ZDHHC14: variants seen among roughly 807,000 people sequenced by gnomAD.
ZDHHC14 encodes zDHHC palmitoyltransferase 14, also known as palmitoyltransferase ZDHHC14.
Under a neutral mutation model 47.7 loss-of-function variants are expected in ZDHHC14, and 16 were observed. The observed-to-expected ratio is 0.34, with a 90% confidence interval of 0.23 to 0.51. ZDHHC14 has a LOEUF of 0.51. Among genes scored for constraint, ZDHHC14 ranks in the 20% least tolerant of loss-of-function variants. The pLI, the probability that ZDHHC14 is intolerant of heterozygous loss-of-function variation, is 0.97. For missense variants in ZDHHC14, 515 were observed against 662.5 expected (o/e 0.78, Z 2.44); for synonymous variants, 293 against 278.9 (o/e 1.05, Z -0.50).
chr6:157,547,630 T>A (rs1201673208), intron 2 of ZDHHC14, among the ~76,000 whole-genome samples: 4 of 141,738 alleles, frequency 2.8e-5, no homozygotes, highest in African/African-American at 8.3e-5. Flanking sequence ...AGGAAAAGAC[T>A]AAGTCAATTT....
chr6:157,509,008 G>A (rs138875490), intron 1 of ZDHHC14, among the ~76,000 whole-genome samples: 2,542 of 152,180 alleles, frequency 0.017, 23 homozygotes, highest in Middle Eastern at 0.031. Context: ...GTTTCTTCCC[G>A]GCTGTTGGCC....
In ZDHHC14 at chr6:157,672,819, G is replaced by A. The variant is rs1778861431; in HGVS notation, c.1164G>A (p.Glu388=). The A allele has an allele frequency of 1.2e-6, 2 of 1,612,284 alleles. No individual in the cohort carries two copies. The highest frequency in any genetic ancestry group is 1.7e-5 in the Admixed American group (1 of 59,940). Reference sequence around the variant, plus strand: ...GCGAGCCCAGCCTCACCAGCGACGAGCTGCACCTGCCCGGGAAGCCTGGCC... The same window carrying A: ...GCGAGCCCAGCCTCACCAGCGACGAACTGCACCTGCCCGGGAAGCCTGGCC... ...LQSEPSLTSD[E]LHLPGKPGLG... is the part of the protein sequence containing the mutation. The change falls in exon 9 of 9, where the codon GAG becomes GAA. Residue 388 remains glutamate (E), a synonymous_variant. Transcript: ENST00000359775.
chr6:157,549,399 G>A (rs1235418107), intron 2 of ZDHHC14, among the ~76,000 whole-genome samples: 6 of 152,180 alleles, frequency 3.9e-5, no homozygotes, highest in Non-Finnish European at 5.9e-5. Flanking sequence ...CTAGTGGGAC[G>A]CTCACTGATG....
chr6:157,577,384 A>G (rs981651537), intron 2 of ZDHHC14, among the ~76,000 whole-genome samples: 2 of 152,216 alleles, frequency 1.3e-5, no homozygotes, highest in Non-Finnish European at 2.9e-5. Flanking sequence ...ATACCCAAAA[A>G]TGGGATTGCT....
chr6:157,532,171 C>G (rs994329156), intron 1 of ZDHHC14, among the ~76,000 whole-genome samples: 4 of 152,234 alleles, frequency 2.6e-5, no homozygotes, highest in Non-Finnish European at 4.4e-5. Context: ...CCTGATGGCC[C>G]CAGGGCCTTG....
At chr6:157,444,475 TGA>T (rs1466401921) in intron 1 of ZDHHC14, among the ~76,000 whole-genome samples, 1 of 152,062 alleles carries the variant, frequency 6.6e-6, no homozygotes, top group Non-Finnish European at 1.5e-5. Flanking sequence ...GTCAGGAGTT[TGA>T]GACCAGCCTG....
intron 1 of ZDHHC14, among the ~76,000 whole-genome samples, chr6:157,509,461 C>T (rs746959356): frequency 2.6e-5 from 4 of 152,056 alleles, no homozygotes; most frequent in Non-Finnish European, 5.9e-5. Flanking sequence ...ACTTTATTGT[C>T]CCCATTTAAA....
intron 2 of ZDHHC14, among the ~76,000 whole-genome samples, chr6:157,562,084 G>A (rs986457778): frequency 4.6e-5 from 7 of 152,154 alleles, no homozygotes; most frequent in African/African-American, 1.4e-4. Flanking sequence ...ACAGGGAAGG[G>A]GCAGAAGATG....
intron 3 of ZDHHC14, among the ~76,000 whole-genome samples, chr6:157,609,001 C>T (rs1281965093): frequency 6.6e-6 from 1 of 152,200 alleles, no homozygotes; most frequent in Non-Finnish European, 1.5e-5. Flanking sequence ...GAGTGCTTGA[C>T]CCCTCTGGTT....
intron 8 of ZDHHC14, among the ~76,000 whole-genome samples, chr6:157,664,273 T>C (rs1778461786): frequency 6.6e-6 from 1 of 152,236 alleles, no homozygotes; most frequent in African/African-American, 2.4e-5. Flanking sequence ...AATTTTTCAT[T>C]TTGCTTATTG....
At chr6:157,667,803 G>T (rs1426547976) in intron 8 of ZDHHC14, among the ~76,000 whole-genome samples, 1 of 152,126 alleles carries the variant, frequency 6.6e-6, no homozygotes, top group Admixed American at 6.5e-5. Context: ...AAAAAAATCA[G>T]GTATCCCTGA....
At chr6:157,638,734 G>C (rs1234352790) in intron 5 of ZDHHC14, among the ~76,000 whole-genome samples, 2 of 152,228 alleles carry the variant, frequency 1.3e-5, no homozygotes, top group Non-Finnish European at 2.9e-5. Context: ...CCCAGATCTG[G>C]GTTCTCACTA....
chr6:157,426,508 T>C (rs1778222933), intron 1 of ZDHHC14, among the ~76,000 whole-genome samples: 1 of 152,168 alleles, frequency 6.6e-6, no homozygotes, highest in African/African-American at 2.4e-5. Context: ...CTCGTTGAGT[T>C]TGAGGGGCCT....
chr6:157,596,058 C>G (rs1333500654), intron 3 of ZDHHC14, among the ~76,000 whole-genome samples: 1 of 152,128 alleles, frequency 6.6e-6, no homozygotes, highest in Non-Finnish European at 1.5e-5. Flanking sequence ...TATGAGTGAT[C>G]TAAAATAAAG....
chr6:157,654,080 G>T lies in ZDHHC14; in HGVS notation c.1068+453G>T, dbSNP rs181018558. Among the ~76,000 whole-genome samples, 4 of 152,248 alleles carry T rather than the reference G, an allele frequency of 2.6e-5. No homozygotes were observed. In the East Asian group the frequency reaches 7.7e-4, roughly 29 times the overall value. On this transcript the variant is annotated intron_variant, in intron 8 of 8. Coordinates refer to ENST00000359775, the MANE Select transcript of ZDHHC14 (RefSeq NM_024630.3). Reference sequence around the variant, plus strand: ...TTCCCCTGCTTCCGCCCAAAGTCTGGGATCAGCCCTGTGTAAAATAGCGCA... The same window carrying T: ...TTCCCCTGCTTCCGCCCAAAGTCTGTGATCAGCCCTGTGTAAAATAGCGCA...
intron 3 of ZDHHC14, among the ~76,000 whole-genome samples, chr6:157,612,907 G>A (rs1343479324): frequency 2.7e-5 from 4 of 149,460 alleles, no homozygotes; most frequent in Admixed American, 6.7e-5. Flanking sequence ...CAACTGGGGG[G>A]AAAAAAAAAG....
At chr6:157,458,725 A>G (rs1467153130) in intron 1 of ZDHHC14, among the ~76,000 whole-genome samples, 3 of 152,104 alleles carry the variant, frequency 2.0e-5, no homozygotes, top group Non-Finnish European at 4.4e-5. Context: ...CCAAGTGCAT[A>G]TAGATCCTGT....
rs561686415 is a variant in ZDHHC14 at position 157,531,315 on chromosome 6, G to A, written c.246-11270G>A. Among the ~76,000 whole-genome samples, 397 of 152,086 alleles carry A rather than the reference G, an allele frequency of 2.6e-3. 1 individual carries two copies. Among genetic ancestry groups the A allele is most frequent in the Middle Eastern group, 6.8e-3 (2 of 294 alleles). On this transcript the variant is annotated intron_variant, in intron 1 of 8. Coordinates refer to ENST00000359775, the MANE Select transcript of ZDHHC14 (RefSeq NM_024630.3). Reference sequence around the variant, plus strand: ...TGCCCCCCCCGGACATGCCGTTCCAGAGTCCAGTCCAGGGAGGATTACACT... The same window carrying A: ...TGCCCCCCCCGGACATGCCGTTCCAAAGTCCAGTCCAGGGAGGATTACACT...
At chr6:157,605,408 T>C (rs1784500086) in intron 3 of ZDHHC14, among the ~76,000 whole-genome samples, 1 of 152,192 alleles carries the variant, frequency 6.6e-6, no homozygotes, top group African/African-American at 2.4e-5. Flanking sequence ...CTATTTGTAC[T>C]AAGAGAGCTC....
Sources: allele counts gnomAD v4.1 joint callset (sites outside exome capture counted in the v4.1 genomes callset), GRCh38; gene constraint gnomAD v4.1.1; transcripts MANE v1.5; gene names NCBI Gene and HGNC (gene_info 2026-07-23, HGNC 2026-07-21).